The following PRXL2A variants were observed in gnomAD, a reference collection of about 807,000 sequenced individuals.
The protein encoded by PRXL2A is peroxiredoxin like 2A, also known as peroxiredoxin-like 2A.
PRXL2A carries 26 observed loss-of-function variants against 25.6 expected under a neutral mutation model. The ratio of observed to expected loss-of-function variants is 1.02; its 90% CI spans 0.74 to 1.41. PRXL2A has a LOEUF of 1.41. Among genes scored for constraint, PRXL2A ranks in the 40% most tolerant of loss-of-function variants. PRXL2A has a pLI of 0.00. For missense variants in PRXL2A, 246 were observed against 273.9 expected (o/e 0.90, Z 0.72); for synonymous variants, 98 against 102.9 (o/e 0.95, Z 0.29).
At chr10:80,428,941 G>T (rs1845140979) in intron 5 of PRXL2A, among the ~76,000 whole-genome samples, 1 of 151,976 alleles carries the variant, frequency 6.6e-6, no homozygotes, top group African/African-American at 2.4e-5. Context: ...TCACTGTGTT[G>T]CCCAGGCTGG....
intron 1 of PRXL2A, among the ~76,000 whole-genome samples, chr10:80,413,229 AC>A (rs762278899): frequency 7.9e-5 from 12 of 151,482 alleles, no homozygotes; most frequent in Non-Finnish European, 1.5e-4. Context: ...CACCTACAAA[AC>A]CCCCAAGTGG....
chr10:80,431,844 T>G (rs1845273450), intron 5 of PRXL2A, 142 bp from the exon 6 acceptor site: 1 of 664,100 alleles, frequency 1.5e-6, no homozygotes, highest in African/African-American at 1.8e-5. Context: ...CTGAACTCCT[T>G]GAGGGCAGGA....
At chr10:80,430,163 C>G (rs918943986) in intron 5 of PRXL2A, among the ~76,000 whole-genome samples, 3 of 137,340 alleles carry the variant, frequency 2.2e-5, no homozygotes, top group Non-Finnish European at 3.0e-5. Flanking sequence ...TGCAATGGCA[C>G]GATCTCAGCT....
intron 1 of PRXL2A, among the ~76,000 whole-genome samples, chr10:80,417,272 C>T (rs1158060776): frequency 6.6e-6 from 1 of 152,214 alleles, no homozygotes; most frequent in Non-Finnish European, 1.5e-5. Context: ...CGGACCCGAA[C>T]TCAAGGCTTT....
intron 1 of PRXL2A, among the ~76,000 whole-genome samples, chr10:80,412,894 C>T (rs1160541099): frequency 6.6e-6 from 1 of 152,096 alleles, no homozygotes; most frequent in Non-Finnish European, 1.5e-5. Context: ...GCTGGGATCG[C>T]TCTGACTACG....
chr10:80,428,550 TC>T (rs1845130279), intron 5 of PRXL2A, among the ~76,000 whole-genome samples: 1 of 152,078 alleles, frequency 6.6e-6, no homozygotes, highest in Admixed American at 6.5e-5. Context: ...GCACCCATAG[TC>T]CCAGCTACTT....
chr10:80,422,627 C>T, intron 3 of PRXL2A, 119 bp downstream of exon 3: 5 of 621,588 alleles, frequency 8.0e-6, no homozygotes, highest in South Asian at 2.2e-5. Flanking sequence ...ATGTTCTGTT[C>T]TGTTATTTGC....
chr10:80,411,032 C>A (rs1371497066), intron 1 of PRXL2A, among the ~76,000 whole-genome samples: 2 of 152,216 alleles, frequency 1.3e-5, no homozygotes, highest in Non-Finnish European at 2.9e-5. Flanking sequence ...GGCAGATACA[C>A]ACCCCAAGGA....
At chr10:80,424,950 A>G (rs1052194551) in intron 3 of PRXL2A, among the ~76,000 whole-genome samples, 1 of 152,230 alleles carries the variant, frequency 6.6e-6, no homozygotes, top group African/African-American at 2.4e-5. Context: ...GCTCTAGGGC[A>G]AAATTTGCCA....
chr10:80,420,234 G>GA, intron 1 of PRXL2A: 1 of 1,210,798 alleles, frequency 8.3e-7, no homozygotes. Context: ...CATCACTCCT[G>GA]ATGCCCTGGT....
chr10:80,432,405 C>A lies in PRXL2A; in HGVS notation c.*306C>A. The A allele has an allele frequency of 4.4e-6, 1 of 228,408 alleles. No individual in the cohort carries two copies. Among genetic ancestry groups the A allele is most frequent in the Non-Finnish European group, 8.4e-6 (1 of 119,170 alleles). 14.1% of individuals were successfully genotyped at this position (228,408 alleles called of 1,614,324 possible). A position where few individuals can be genotyped will look rare whatever the true frequency, so the allele number is the denominator to read the frequency against. ...CCTGTAATCCCAGCACTTTGGGAGG[C>A]CAAGGTGAGCAAGTCACTTGAGGTC... is the stretch of plus-strand genomic sequence containing the variant. On this transcript the variant is annotated 3_prime_UTR_variant, in exon 6 of 6. Coordinates refer to ENST00000606162, the MANE Select transcript of PRXL2A (RefSeq NM_032333.5).
intron 5 of PRXL2A, among the ~76,000 whole-genome samples, chr10:80,428,788 T>C (rs146989859): frequency 0.013 from 1,906 of 152,332 alleles, 23 homozygotes; most frequent in Non-Finnish European, 0.02. Context: ...GTGTTTTCTT[T>C]CTGTAGAAAG....
intron 1 of PRXL2A, chr10:80,413,804 TG>T: frequency 9.3e-7 from 1 of 1,071,260 alleles, no homozygotes. Context: ...CCTTGCCGCC[TG>T]CCCAGGCCCG....
Position 80,433,423 on chromosome 10 carries a change from G to C in PRXL2A, c.*1324G>C, listed in dbSNP as rs998920273. The C allele has an allele frequency of 2.6e-5, 4 of 152,310 alleles. No individual in the cohort carries two copies. The highest frequency in any genetic ancestry group is 6.5e-5 in the Admixed American group (1 of 15,280). The allele number at this position is 152,310 out of a possible 1,614,324, so 9.4% of individuals were successfully genotyped here. A position where few individuals can be genotyped will look rare whatever the true frequency, so the allele number is the denominator to read the frequency against. ...CAAACTGGCCCAGGAGTAGAAAGGT[G>C]GGGGTGGAAATAGGAAATAGTGTTT... is the stretch of plus-strand genomic sequence containing the variant. On this transcript the variant is annotated 3_prime_UTR_variant, in exon 6 of 6. Coordinates refer to ENST00000606162, the MANE Select transcript of PRXL2A (RefSeq NM_032333.5).
chr10:80,426,210 C>T (rs531732478), intron 4 of PRXL2A, among the ~76,000 whole-genome samples: 5 of 152,340 alleles, frequency 3.3e-5, no homozygotes, highest in African/African-American at 7.2e-5. Flanking sequence ...CAGACAGTCC[C>T]TGACCATCTG....
chr10:80,424,323 C>T (rs989389415), intron 3 of PRXL2A, among the ~76,000 whole-genome samples: 1 of 142,340 alleles, frequency 7.0e-6, no homozygotes, highest in African/African-American at 2.6e-5. Context: ...AATCCCAGCA[C>T]TTTGGGAGGC....
rs143948401 is a variant in PRXL2A, at chr10:80,415,220, G to A, written c.-2-5246G>A. ...CTGATAACACTCTCAGCATGGTGCT[G>A]CAGTGCCTGAGGATGGGGTCCACTG... On this transcript the variant is annotated intron_variant, in intron 1 of 5. Coordinates refer to ENST00000606162, the MANE Select transcript of PRXL2A (RefSeq NM_032333.5). 2.2e-3 allele frequency among the ~76,000 whole-genome samples: 334 copies of A among 152,378 alleles called. 3 individuals are homozygous for A. The highest frequency in any genetic ancestry group is 7.6e-3 in the African/African-American group (317 of 41,592).
At chr10:80,413,139 C>T (rs1380475801) in intron 1 of PRXL2A, among the ~76,000 whole-genome samples, 1 of 150,974 alleles carries the variant, frequency 6.6e-6, no homozygotes, top group Non-Finnish European at 1.5e-5. Context: ...CACTGTCCCC[C>T]CTCCCTGCCC....
rs10712446 is a variant in PRXL2A at position 80,432,635 on chromosome 10, T to TAAAAAAAAAAAAAA, written c.*544_*557dup. The TAAAAAAAAAAAAAA allele has an allele frequency of 8.1e-6, 1 of 123,670 alleles. No individual in the cohort carries two copies. 7.7% of individuals were successfully genotyped at this position (123,670 alleles called of 1,614,324 possible). A position where few individuals can be genotyped will look rare whatever the true frequency, so the allele number is the denominator to read the frequency against. On this transcript the variant is annotated 3_prime_UTR_variant, in exon 6 of 6. Transcript: ENST00000606162. ...CAGCCTGGGTGACTGAGACTCTAAC[T>TAAAAAAAAAAAAAA]AAAAAAAAAAAAAAAAAAAAATTGA...
Sources: allele counts gnomAD v4.1 joint callset (sites outside exome capture counted in the v4.1 genomes callset), GRCh38; gene constraint gnomAD v4.1.1; transcripts MANE v1.5; gene names NCBI Gene and HGNC (gene_info 2026-07-23, HGNC 2026-07-21).